Variants in TMEM117 observed in about 807,000 individuals in gnomAD.
The protein encoded by TMEM117 is transmembrane protein 117.
Under a neutral mutation model 52.4 loss-of-function variants are expected in TMEM117, and 27 were observed. That is an observed-to-expected ratio of 0.51 (90% CI 0.38 to 0.71). The LOEUF is 0.71. Among genes scored for constraint, TMEM117 ranks in the 30% least tolerant of loss-of-function variants. TMEM117 has a pLI of 0.00. For synonymous variants in TMEM117, 215 were observed against 206.3 expected (o/e 1.04, Z -0.36); for missense variants, 556 against 630.5 (o/e 0.88, Z 1.26).
chr12:44,100,404 A>T (rs930896432), intron 3 of TMEM117, among the ~76,000 whole-genome samples: 5 of 151,984 alleles, frequency 3.3e-5, no homozygotes, highest in African/African-American at 1.2e-4. Context: ...GGAGACCAAT[A>T]AATTCTATTA....
downstream of TMEM117, among the ~76,000 whole-genome samples, chr12:44,394,050 T>G (rs1236470888): frequency 6.6e-6 from 1 of 152,120 alleles, no homozygotes; most frequent in Non-Finnish European, 1.5e-5. Context: ...GAAAAAAAGA[T>G]TAGCTAATGG....
chr12:44,397,238 C>T, the TMEM117 span, among the ~76,000 whole-genome samples: 1 of 152,170 alleles, frequency 6.6e-6, no homozygotes, highest in African/African-American at 2.4e-5. Context: ...ATATCCTCAC[C>T]TGACTCTTCA....
intron 2 of TMEM117, among the ~76,000 whole-genome samples, chr12:43,869,228 A>G (rs1943662686): frequency 6.8e-6 from 1 of 147,680 alleles, no homozygotes; most frequent in Non-Finnish European, 1.5e-5. Flanking sequence ...ATTTCTTGGC[A>G]TAAATGGTTC....
At chr12:44,138,411 A>C (rs1305748561) in intron 3 of TMEM117, among the ~76,000 whole-genome samples, 1 of 152,104 alleles carries the variant, frequency 6.6e-6, no homozygotes. Context: ...TGTAATACTA[A>C]TGTTTCTGTA....
intron 4 of TMEM117, among the ~76,000 whole-genome samples, chr12:44,177,109 T>C (rs1218882856): frequency 6.6e-6 from 1 of 152,124 alleles, no homozygotes; most frequent in Non-Finnish European, 1.5e-5. Flanking sequence ...AAGAGACATT[T>C]CTTACTGGTT....
At chr12:44,024,928 C>T (rs1447601980) in intron 3 of TMEM117, among the ~76,000 whole-genome samples, 2 of 151,706 alleles carry the variant, frequency 1.3e-5, no homozygotes, top group Non-Finnish European at 2.9e-5. Flanking sequence ...AGAGAGAGAG[C>T]GCCTTCATCT....
downstream of TMEM117, among the ~76,000 whole-genome samples, chr12:44,390,678 AC>A (rs1156797251): frequency 6.6e-6 from 1 of 152,058 alleles, no homozygotes; most frequent in African/African-American, 2.4e-5. Flanking sequence ...AAATTTAGTA[AC>A]AAATGGAACA....
chr12:43,918,755 G>C (rs1323941743), intron 2 of TMEM117, among the ~76,000 whole-genome samples: 1 of 152,134 alleles, frequency 6.6e-6, no homozygotes, highest in African/African-American at 2.4e-5. Flanking sequence ...ACAGCTGTCT[G>C]CCTTACCAAC....
intron 3 of TMEM117, among the ~76,000 whole-genome samples, chr12:43,976,053 A>T (rs1945665696): frequency 6.6e-6 from 1 of 152,220 alleles, no homozygotes; most frequent in Non-Finnish European, 1.5e-5. Context: ...ATGGCTTGAA[A>T]GTACCAGGAC....
At chr12:43,914,696 T>C (rs1944571420) in intron 2 of TMEM117, among the ~76,000 whole-genome samples, 1 of 152,084 alleles carries the variant, frequency 6.6e-6, no homozygotes, top group Admixed American at 6.5e-5. Flanking sequence ...TTTATTCTCC[T>C]GTCTTTCTTT....
intron 3 of TMEM117, among the ~76,000 whole-genome samples, chr12:44,034,871 T>C (rs1946686252): frequency 6.6e-6 from 1 of 152,204 alleles, no homozygotes; most frequent in African/African-American, 2.4e-5. Context: ...CTCAGTAAAG[T>C]AGATTGCCCT....
intron 4 of TMEM117, among the ~76,000 whole-genome samples, chr12:44,200,694 G>A (rs1565583915): frequency 6.6e-6 from 1 of 152,118 alleles, no homozygotes; most frequent in Non-Finnish European, 1.5e-5. Context: ...TGTAATGGAG[G>A]GTTCCCAAAT....
intron 1 of TMEM117, among the ~76,000 whole-genome samples, chr12:43,841,502 A>T (rs1401607695): frequency 2.0e-5 from 3 of 152,220 alleles, no homozygotes; most frequent in African/African-American, 7.2e-5. Flanking sequence ...TCTTCCCTAA[A>T]TAATATAAAT....
At chr12:43,911,635 C>CA (rs1491560853) in intron 2 of TMEM117, among the ~76,000 whole-genome samples, 1 of 148,226 alleles carries the variant, frequency 6.7e-6, no homozygotes, top group African/African-American at 2.5e-5. Flanking sequence ...ACAATGAACT[C>CA]AAACAAATTT....
chr12:43,858,876 C>A (rs547022960), intron 2 of TMEM117, among the ~76,000 whole-genome samples: 1 of 152,296 alleles, frequency 6.6e-6, no homozygotes, highest in East Asian at 1.9e-4. Flanking sequence ...CAAGGGAAAG[C>A]ACCAGGTGCC....
chr12:44,172,275 G>A (rs1565859565), intron 4 of TMEM117, among the ~76,000 whole-genome samples: 1 of 152,172 alleles, frequency 6.6e-6, no homozygotes, highest in East Asian at 1.9e-4. Flanking sequence ...CAGTTCTGAG[G>A]CTAGCAGTCT....
chr12:43,840,726 A>T (rs61290421), intron 1 of TMEM117, among the ~76,000 whole-genome samples: 8,531 of 152,304 alleles, frequency 0.056, 274 homozygotes, highest in South Asian at 0.073. Context: ...AAACACATAC[A>T]TAGATAATTT....
chr12:44,345,331 C>T (rs1178910416), intron 6 of TMEM117, among the ~76,000 whole-genome samples: 1 of 152,072 alleles, frequency 6.6e-6, no homozygotes, highest in Non-Finnish European at 1.5e-5. Flanking sequence ...ATATTCCCCT[C>T]AGTTCCTTTA....
At chr12:44,145,908 A>G (rs887660663) in intron 4 of TMEM117, among the ~76,000 whole-genome samples, 2 of 152,010 alleles carry the variant, frequency 1.3e-5, no homozygotes, top group Non-Finnish European at 2.9e-5. Flanking sequence ...TTTCTTTTCC[A>G]CTATGGCAAC....
Sources: gnomAD v4.1 joint callset for allele counts (sites outside exome capture counted in the v4.1 genomes callset) on GRCh38, gnomAD v4.1.1 for gene constraint, MANE v1.5 for transcripts, NCBI Gene and HGNC (gene_info 2026-07-23, HGNC 2026-07-21) for gene names.